BRD1: variants seen among roughly 807,000 people sequenced by gnomAD.
BRD1 encodes bromodomain containing 1.
BRD1 carries 24 observed loss-of-function variants against 107.7 expected under a neutral mutation model. The ratio of observed to expected loss-of-function variants is 0.22; its 90% CI spans 0.16 to 0.31. The LOEUF (loss-of-function observed/expected upper bound fraction) is 0.31, where lower values mean the gene tolerates loss of function less well. BRD1 is among the 10% of genes least tolerant of loss of function. BRD1 has a pLI of 1.00. For synonymous variants in BRD1, 744 were observed against 686.1 expected, an observed-to-expected ratio of 1.08 and a Z score of -1.32; for missense variants, 1,279 against 1,638.6, an observed-to-expected ratio of 0.78 and a Z score of 3.79.
Position 49,803,239 on chromosome 22 carries a change from G to A in BRD1, c.1524+965C>T, listed in dbSNP as rs1437805338. On this transcript the variant is annotated intron_variant, in intron 3 of 12. Transcript: ENST00000404760. The surrounding 1 kb of genome is among the most constrained non-coding windows in gnomAD (Gnocchi z 4.4). ...CGAGGCAGAGACAGCACCGGCCACCGCACCACCGCACGGGGACCCAACCGT... is the reference window on the plus strand; with the variant it reads ...CGAGGCAGAGACAGCACCGGCCACCACACCACCGCACGGGGACCCAACCGT... Among the ~76,000 whole-genome samples, 1 of 152,190 alleles carries A rather than the reference G, an allele frequency of 6.6e-6. No individual in the cohort carries two copies. Among genetic ancestry groups the A allele is most frequent in the African/African-American group, 2.4e-5 (1 of 41,442 alleles).
At chr22:49,781,005 G>GT (rs534170199) in intron 8 of BRD1, among the ~76,000 whole-genome samples, 18 of 151,944 alleles carry the variant, frequency 1.2e-4, no homozygotes, top group East Asian at 9.7e-4. Context: ...TCAGCACGAG[G>GT]TTTTTTTTTA....
Position 49,824,238 on chromosome 22 carries a change from G to C in BRD1, c.80C>G (p.Thr27Arg). The C allele has an allele frequency of 6.2e-7, 1 of 1,613,998 alleles. No individual in the cohort carries two copies. ...TTGAGCGTAGGTCAGCGTTTCTCGC[G>C]TAGGGGAGTGTTTAACACTGCATGG... ...SSPCSVKHSP[T>R]RETLTYAQAQ... Residue 27 changes from threonine (T) to arginine (R), a missense_variant, in exon 2 of 13, where the codon ACG becomes AGG. Around this residue, in one of 7 missense-constraint regions of BRD1, gnomAD observed 223 missense variants for 263.5 expected, o/e 0.85. Transcript: ENST00000404760. This position sits in a 1 kb window ranked among gnomAD's most constrained non-coding sequence, Gnocchi z 5.9.
intron 12 of BRD1, among the ~76,000 whole-genome samples, chr22:49,775,049 C>T (rs60084780): frequency 0.023 from 3,509 of 152,330 alleles, 149 homozygotes; most frequent in African/African-American, 0.08. Flanking sequence ...GTGCTGCCAG[C>T]GTGTCCTGCA....
chr22:49,787,475 A>T lies in BRD1; in HGVS notation c.2772T>A (p.Thr924=). 2 of 1,614,216 alleles carry T rather than the reference A, an allele frequency of 1.2e-6. No homozygotes were observed. The highest frequency in any genetic ancestry group is 1.7e-6 in the Non-Finnish European group (2 of 1,180,036). ...FLSVVLPRLE[T]LLQPRKRSRS... Reference sequence around the variant, plus strand: ...GCGACCTTTTCCTTGGCTGCAGAAGAGTCTCCAACCTCGGAAGGACTACAG... The same window carrying T: ...GCGACCTTTTCCTTGGCTGCAGAAGTGTCTCCAACCTCGGAAGGACTACAG... The change falls in exon 8 of 13, where the codon ACT becomes ACA. Residue 924 remains threonine, a synonymous_variant. Coordinates refer to ENST00000404760, the MANE Select transcript of BRD1 (RefSeq NM_001304808.3).
rs1601690129 is a variant in BRD1, at chr22:49,804,087, C to T, written c.1524+117G>A. The T allele has an allele frequency of 1.0e-5, 9 of 895,588 alleles. No individual in the cohort carries two copies. The South Asian group carries it at 2.1e-4, about 21-fold the overall frequency. 55.5% of individuals were successfully genotyped at this position (895,588 alleles called of 1,614,324 possible). Reference sequence around the variant, plus strand: ...CAGGGCTGGACGAGACGGAGGCTTCCCAACGGGGAGCCTGAGCCCAGGGGG... The same window carrying T: ...CAGGGCTGGACGAGACGGAGGCTTCTCAACGGGGAGCCTGAGCCCAGGGGG... On this transcript the variant is annotated intron_variant, in intron 3 of 12. Transcript: ENST00000404760.
intron 7 of BRD1, among the ~76,000 whole-genome samples, chr22:49,789,359 C>T (rs960485901): frequency 6.6e-6 from 1 of 152,208 alleles, no homozygotes; most frequent in African/African-American, 2.4e-5. Flanking sequence ...TGCTCATGAG[C>T]ATCCCTGGTG....
chr22:49,786,780 T>TA (rs1185311455), intron 8 of BRD1, among the ~76,000 whole-genome samples: 2 of 152,024 alleles, frequency 1.3e-5, no homozygotes, highest in Admixed American at 6.5e-5. Flanking sequence ...GATGACCAAT[T>TA]AAAACTACAC....
chr22:49,812,874 T>C (rs1019782542), intron 2 of BRD1, among the ~76,000 whole-genome samples: 4 of 149,454 alleles, frequency 2.7e-5, no homozygotes, highest in Non-Finnish European at 5.9e-5. Context: ...TGCCGCCCAC[T>C]GTACACGGAC....
intron 2 of BRD1, among the ~76,000 whole-genome samples, chr22:49,804,615 G>A (rs112816822): frequency 9.7e-4 from 147 of 152,304 alleles, no homozygotes; most frequent in African/African-American, 3.4e-3. Context: ...TTGGGAGGCC[G>A]AGGTGGGGGG....
chr22:49,815,601 G>A (rs571040330), intron 2 of BRD1, among the ~76,000 whole-genome samples: 4 of 152,146 alleles, frequency 2.6e-5, no homozygotes, highest in African/African-American at 7.2e-5. Flanking sequence ...TTCTGTAGAG[G>A]AGAATCCCTC....
rs1312016196 is a variant in BRD1 at position 49,824,459 on chromosome 22, A to T, written c.-14-128T>A. 2 of 1,457,888 alleles carry T rather than the reference A, an allele frequency of 1.4e-6. No individual in the cohort carries two copies. The highest frequency in any genetic ancestry group is 4.9e-5 in the East Asian group (2 of 40,728). The allele number at this position is 1,457,888 out of a possible 1,614,324, so 90.3% of individuals were successfully genotyped here. A position where few individuals can be genotyped will look rare whatever the true frequency, so the allele number is the denominator to read the frequency against. ...CCCAATCAAAGCAAAACTCACAGCT[A>T]ACCTCTTTCCAAGGTGTCCAAAACC... On this transcript the variant is annotated intron_variant, in intron 1 of 12. Transcript: ENST00000404760. The surrounding 1 kb of genome is among the most constrained non-coding windows in gnomAD (Gnocchi z 5.9).
Position 49,824,445 on chromosome 22 carries a change from C to CA in BRD1, c.-14-115dup. 1 of 1,473,930 alleles carries CA rather than the reference C, an allele frequency of 6.8e-7. No homozygotes were observed. Among genetic ancestry groups the CA allele is most frequent in the South Asian group, 1.4e-5 (1 of 71,802 alleles). 91.3% of individuals were successfully genotyped at this position (1,473,930 alleles called of 1,614,324 possible). A position where few individuals can be genotyped will look rare whatever the true frequency, so the allele number is the denominator to read the frequency against. ...TCAGCAGCTCAAAGCCCAATCAAAG[C>CA]AAAACTCACAGCTAACCTCTTTCCA... On this transcript the variant is annotated intron_variant, in intron 1 of 12. Transcript: ENST00000404760. This position sits in a 1 kb window ranked among gnomAD's most constrained non-coding sequence, Gnocchi z 5.9.
intron 3 of BRD1, among the ~76,000 whole-genome samples, chr22:49,801,079 C>G (rs1018460881): frequency 3.3e-5 from 5 of 152,238 alleles, no homozygotes; most frequent in Non-Finnish European, 5.9e-5. Flanking sequence ...ACACGCAGCA[C>G]AGCAAGGACG....
At chr22:49,797,060 T>C (rs1163588132) in intron 6 of BRD1, among the ~76,000 whole-genome samples, 2 of 152,228 alleles carry the variant, frequency 1.3e-5, no homozygotes, top group Non-Finnish European at 2.9e-5. Context: ...CTATGTGCTT[T>C]GACAACCCAT....
Position 49,799,525 on chromosome 22 carries a change from C to T in BRD1, c.1525-406G>A, listed in dbSNP as rs561893417. On this transcript the variant is annotated intron_variant, in intron 3 of 12. Transcript: ENST00000404760. ...CCAGGACAGCTGGGAATGGAGGGAG[C>T]GGCTGGAAAGAAACCAGGTGCACAG... Among the ~76,000 whole-genome samples, 9 of 152,290 alleles carry T rather than the reference C, an allele frequency of 5.9e-5. No individual in the cohort carries two copies. The South Asian group carries it at 6.2e-4, about 11-fold the overall frequency.
chr22:49,814,240 G>A lies in BRD1; in HGVS notation c.1367+8711C>T, dbSNP rs927505844. Reference sequence around the variant, plus strand: ...AAATGAAAAGATACACTCACCCACGGGCACAAGCCCCCGACAAACAGTGCA... The same window carrying A: ...AAATGAAAAGATACACTCACCCACGAGCACAAGCCCCCGACAAACAGTGCA... On this transcript the variant is annotated intron_variant, in intron 2 of 12. Coordinates refer to ENST00000404760, the MANE Select transcript of BRD1 (RefSeq NM_001304808.3). 2.6e-5 allele frequency among the ~76,000 whole-genome samples: 4 copies of A among 152,334 alleles called. No individual in the cohort carries two copies. The East Asian group carries it at 7.7e-4, about 29-fold the overall frequency.
chr22:49,824,561 C>T lies in BRD1; in HGVS notation c.-14-230G>A. On this transcript the variant is annotated intron_variant, in intron 1 of 12. Coordinates refer to ENST00000404760, the MANE Select transcript of BRD1 (RefSeq NM_001304808.3). The surrounding 1 kb of genome is among the most constrained non-coding windows in gnomAD (Gnocchi z 5.9). ...CAGGCAGAGAGGCAGCCTGAGGAGCCCTCCTGAGCACCTGCGTCCCTACCA... is the reference window on the plus strand; with the variant it reads ...CAGGCAGAGAGGCAGCCTGAGGAGCTCTCCTGAGCACCTGCGTCCCTACCA... 7.3e-7 allele frequency: 1 copy of T among 1,365,078 alleles called. No homozygotes were observed. Among genetic ancestry groups the T allele is most frequent in the Non-Finnish European group, 9.5e-7 (1 of 1,057,612 alleles). The allele number at this position is 1,365,078 out of a possible 1,614,324, so 84.6% of individuals were successfully genotyped here. A position where few individuals can be genotyped will look rare whatever the true frequency, so the allele number is the denominator to read the frequency against.
At chr22:49,813,464 C>T (rs534426439) in intron 2 of BRD1, among the ~76,000 whole-genome samples, 1 of 151,642 alleles carries the variant, frequency 6.6e-6, no homozygotes, top group East Asian at 2.0e-4. Context: ...CCTCGTGATC[C>T]GCCCCCCTTG....
intron 7 of BRD1, among the ~76,000 whole-genome samples, chr22:49,788,937 A>G (rs977051835): frequency 2.0e-5 from 3 of 152,278 alleles, no homozygotes; most frequent in African/African-American, 7.2e-5. Flanking sequence ...TACTATTGTC[A>G]TTCAAAAAGT....
Sources: allele counts gnomAD v4.1 joint callset (sites outside exome capture counted in the v4.1 genomes callset), GRCh38; gene constraint gnomAD v4.1.1; regional missense constraint gnomAD v4.1.1; non-coding constraint Gnocchi (gnomAD v3.1); transcripts MANE v1.5; gene names NCBI Gene and HGNC (gene_info 2026-07-23, HGNC 2026-07-21).